The following LRP4 variants were observed in gnomAD, a reference collection of about 807,000 sequenced individuals.
LRP4 encodes the protein LDL receptor related protein 4.
In LRP4, 95 loss-of-function variants were observed where a neutral mutation model predicts 220.3. The ratio of observed to expected loss-of-function variants is 0.43; its 90% confidence interval spans 0.37 to 0.51. The LOEUF (loss-of-function observed/expected upper bound fraction) is 0.51, where lower values mean the gene tolerates loss of function less well. Among genes scored for constraint, LRP4 ranks in the 20% least tolerant of loss-of-function variants. The pLI, the probability that LRP4 is intolerant of heterozygous loss-of-function variation, is 0.00. For synonymous variants in LRP4, 903 were observed against 954.6 expected, an observed-to-expected ratio of 0.95 and a Z score of 1.00; for missense variants, 1,925 against 2,567.0, an observed-to-expected ratio of 0.75 and a Z score of 5.40.
At chr11:46,888,570 A>AAAAAAAAAAAAAT in intron 16 of LRP4, among the ~76,000 whole-genome samples, 1 of 150,506 alleles carries the variant, frequency 6.6e-6, no homozygotes, top group East Asian at 1.9e-4. Context: ...AAAAAAAAAA[A>AAAAAAAAAAAAAT]AAAGAATGCA....
At chr11:46,878,685 A>G (rs919905136) in intron 22 of LRP4, among the ~76,000 whole-genome samples, 1 of 152,194 alleles carries the variant, frequency 6.6e-6, no homozygotes, top group African/African-American at 2.4e-5. Flanking sequence ...AGACATCATA[A>G]GAACTAGTTG....
chr11:46,869,148 A>G lies in LRP4; in HGVS notation c.4693-16T>C, dbSNP rs2134778241. The G allele has an allele frequency of 5.6e-6, 9 of 1,613,230 alleles. No homozygotes were observed. In the Admixed American group the frequency reaches 1.5e-4, roughly 27 times the overall value. ...ACCTGTCTTGCTACTCAACAGGGGA[A>G]GCCCAAAAACAGTAAATATTATTCA... On this transcript the variant is annotated splice_polypyrimidine_tract_variant and intron_variant, in intron 31 of 37. Transcript: ENST00000378623.
intron 34 of LRP4, among the ~76,000 whole-genome samples, chr11:46,865,546 T>C (rs1012556487): frequency 1.3e-5 from 2 of 152,236 alleles, no homozygotes; most frequent in African/African-American, 2.4e-5. Context: ...GCCAATCTGA[T>C]TGGATAAAAA....
At chr11:46,861,831 G>A (rs542329674) in intron 37 of LRP4, among the ~76,000 whole-genome samples, 1 of 152,258 alleles carries the variant, frequency 6.6e-6, no homozygotes, top group East Asian at 1.9e-4. Flanking sequence ...CACTTTGGGA[G>A]GCCGAGGCAG....
In LRP4 at chr11:46,868,081, G is replaced by C. The variant is rs1384073340; in HGVS notation, c.4985C>G (p.Thr1662Ser). ...PGLVPPAPRA[T>S]GMSEKSPVLP... ...CACTGGGCTCTTTTCACTCATGCCA[G>C]TAGCCCTAGGAGCTGGTGGTACCAG... Residue 1662 changes from threonine to serine, a missense_variant, in exon 34 of 38, where the codon ACT becomes AGT. Physicochemically the swap from Thr to Ser is moderately conservative, Grantham distance 58 (BLOSUM62 1). This residue lies in a region of LRP4 where 1,244 missense variants were observed against 1,624.9 expected (regional missense o/e 0.77). Coordinates refer to ENST00000378623, the MANE Select transcript of LRP4 (RefSeq NM_002334.4). The C allele has an allele frequency of 1.9e-6, 3 of 1,614,168 alleles. No individual in the cohort carries two copies. Among genetic ancestry groups the C allele is most frequent in the Non-Finnish European group, 2.5e-6 (3 of 1,180,036 alleles).
intron 16 of LRP4, among the ~76,000 whole-genome samples, chr11:46,887,645 A>C (rs1249273596): frequency 6.6e-6 from 1 of 151,888 alleles, no homozygotes; most frequent in Non-Finnish European, 1.5e-5. Context: ...AGCCTGGCCA[A>C]CATAGTGAAA....
intron 34 of LRP4, among the ~76,000 whole-genome samples, chr11:46,867,539 G>A (rs1012633605): frequency 2.6e-5 from 4 of 152,146 alleles, no homozygotes; most frequent in Admixed American, 6.5e-5. Flanking sequence ...TCGGCTCACC[G>A]CAACCTCCGC....
At chr11:46,863,301 T>C in intron 36 of LRP4, among the ~76,000 whole-genome samples, 1 of 152,180 alleles carries the variant, frequency 6.6e-6, no homozygotes, top group Non-Finnish European at 1.5e-5. Flanking sequence ...AACTGTGAGA[T>C]AATGGTTGTC....
intron 7 of LRP4, among the ~76,000 whole-genome samples, chr11:46,898,186 C>T (rs1026300930): frequency 2.6e-5 from 4 of 152,098 alleles, no homozygotes; most frequent in Admixed American, 2.0e-4. Flanking sequence ...CAGGCAGAGG[C>T]GCCCCTCACC....
chr11:46,864,617 G>A (rs556323225), intron 35 of LRP4, 82 bp from the exon 36 acceptor site: 10 of 970,544 alleles, frequency 1.0e-5, no homozygotes. Context: ...AAGCTGAAAG[G>A]CTCCTTTTGT....
rs778796865 is a variant in LRP4 at position 46,873,197 on chromosome 11, T to C, written c.4486A>G (p.Ile1496Val). The change falls in exon 30 of 38, where the codon ATC becomes GTC. Residue 1496 changes from isoleucine (I) to valine (V), a missense_variant. Transcript: ENST00000378623. This position sits in a 1 kb window ranked among gnomAD's most constrained non-coding sequence, Gnocchi z 4.2. ...GAACCATCCAAGTTTGCCCGTTCGATCTTGGCAATGTGGCCCCAGTCTGTC... is the reference window on the plus strand; with the variant it reads ...GAACCATCCAAGTTTGCCCGTTCGACCTTGGCAATGTGGCCCCAGTCTGTC... ...FWTDWGHIAKIERANLDGSER... is the reference protein window; with the variant it reads ...FWTDWGHIAKVERANLDGSER... 6.2e-7 allele frequency: 1 copy of C among 1,614,196 alleles called. No individual in the cohort carries two copies. Among genetic ancestry groups the C allele is most frequent in the Non-Finnish European group, 8.5e-7 (1 of 1,180,032 alleles).
At chr11:46,917,359 A>T (rs1941962099) in intron 1 of LRP4, among the ~76,000 whole-genome samples, 1 of 152,186 alleles carries the variant, frequency 6.6e-6, no homozygotes. Flanking sequence ...TCAAAGATCA[A>T]AGTTCTTTGA....
At chr11:46,891,355 C>T (rs1941418427) in intron 13 of LRP4, among the ~76,000 whole-genome samples, 1 of 151,820 alleles carries the variant, frequency 6.6e-6, no homozygotes, top group Non-Finnish European at 1.5e-5. Context: ...CCCAAGTGAT[C>T]CACCTGCCTC....
At chr11:46,903,026 T>C (rs2134870402) in intron 1 of LRP4, 97 bp from the exon 2 acceptor site, 2 of 1,434,488 alleles carry the variant, frequency 1.4e-6, no homozygotes, top group Non-Finnish European at 1.9e-6. Context: ...AGGGGCACTG[T>C]CACCTGGAGA....
At chr11:46,882,488 A>C (rs1266599408) in intron 19 of LRP4, among the ~76,000 whole-genome samples, 1 of 149,770 alleles carries the variant, frequency 6.7e-6, no homozygotes, top group East Asian at 1.9e-4. Context: ...AAAAAAAAGA[A>C]AAAAACAAAA....
At chr11:46,897,058 C>G in intron 7 of LRP4, 64 bp from the exon 8 acceptor site, 1 of 1,608,910 alleles carries the variant, frequency 6.2e-7, no homozygotes, top group Non-Finnish European at 8.5e-7. Flanking sequence ...TCCCTGCCAC[C>G]CAAATCTGCA....
rs2134838977 is a variant in LRP4, at chr11:46,890,329, G to T, written c.1863C>A (p.Val621=). ...RMYWVDAKHH[V]IERANLDGSH... ...TCCCATCCAGATTGGCCCTCTCGAT[G>T]ACATGGTGCTTAGCATCCACCCAGT... Residue 621 remains valine, a synonymous_variant, in exon 14 of 38, where the codon GTC becomes GTA. Coordinates refer to ENST00000378623, the MANE Select transcript of LRP4 (RefSeq NM_002334.4). The surrounding 1 kb of genome is among the most constrained non-coding windows in gnomAD (Gnocchi z 5.3). 1.2e-6 allele frequency: 2 copies of T among 1,614,168 alleles called. No individual in the cohort carries two copies. The highest frequency in any genetic ancestry group is 2.2e-5 in the East Asian group (1 of 44,876).
chr11:46,867,905 G>C, intron 34 of LRP4, 74 bp downstream of exon 34: 1 of 1,588,514 alleles, frequency 6.3e-7, no homozygotes, highest in Admixed American at 1.7e-5. Flanking sequence ...GCCTTATCAA[G>C]CTGGGACTAT....
chr11:46,896,227 C>T lies in LRP4; in HGVS notation c.1031G>A (p.Ser344Asn). 6.2e-7 allele frequency: 1 copy of T among 1,614,044 alleles called. No homozygotes were observed. ...VNDCGDNSDE[S>N]PQQNCRPRTG... is the part of the protein sequence containing the mutation. ...ACACTCACGGCAATTCTGCTGTGGG[C>T]TTTCGTCGCTGTTGTCACCACAGTC... Residue 344 changes from serine (S) to asparagine (N), a missense_variant, in exon 9 of 38, where the codon AGC (serine) becomes AAC (asparagine). This residue lies in a region of LRP4 where 412 missense variants were observed against 505.4 expected (regional missense o/e 0.82). Coordinates refer to ENST00000378623, the MANE Select transcript of LRP4 (RefSeq NM_002334.4).
Sources: allele counts gnomAD v4.1 joint callset (sites outside exome capture counted in the v4.1 genomes callset), GRCh38; gene constraint gnomAD v4.1.1; regional missense constraint gnomAD v4.1.1; non-coding constraint Gnocchi (gnomAD v3.1); transcripts MANE v1.5; gene names NCBI Gene and HGNC (gene_info 2026-07-23, HGNC 2026-07-21).